The following ABCB4 variants were observed in gnomAD, a reference collection of about 807,000 sequenced individuals.
ABCB4 encodes the protein phosphatidylcholine translocator ABCB4.
ABCB4 carries 76 observed loss-of-function variants against 145.7 expected under a neutral mutation model. That is an observed-to-expected ratio of 0.52 (90% CI 0.43 to 0.63). The LOEUF is 0.63. Among genes scored for constraint, ABCB4 ranks in the 30% least tolerant of loss-of-function variants. The pLI, the probability that ABCB4 is intolerant of heterozygous loss-of-function variation, is 0.00. For synonymous variants in ABCB4, 517 were observed against 566.8 expected (o/e 0.91, Z 1.25); for missense variants, 1,234 against 1,553.1 (o/e 0.79, Z 3.45).
the ABCB4 span, among the ~76,000 whole-genome samples, chr7:87,372,016 A>C: frequency 2.0e-5 from 3 of 151,462 alleles, no homozygotes; most frequent in African/African-American, 7.3e-5. Context: ...ACAAAAAAAA[A>C]AAAACAAAAA....
chr7:87,436,947 C>T (rs774254696), intron 14 of ABCB4, among the ~76,000 whole-genome samples: 15 of 152,180 alleles, frequency 9.9e-5, no homozygotes, highest in Non-Finnish European at 1.6e-4. Context: ...CTGTATTAGA[C>T]CACATGCAGA....
intron 20 of ABCB4, among the ~76,000 whole-genome samples, chr7:87,418,158 ACCCAAATTAG>A (rs1809128260): frequency 6.6e-6 from 1 of 152,208 alleles, no homozygotes; most frequent in Non-Finnish European, 1.5e-5. Flanking sequence ...GGGGCATGTG[ACCCAAATTAG>A]CCCAAATTAG....
chr7:87,422,364 T>C, intron 17 of ABCB4, 139 bp from the exon 18 acceptor site: 4 of 724,518 alleles, frequency 5.5e-6, no homozygotes, highest in Non-Finnish European at 9.8e-6. Flanking sequence ...TGGTAAAATA[T>C]ACATAACACA....
At chr7:87,466,431 C>T (rs1430543676) in intron 3 of ABCB4, among the ~76,000 whole-genome samples, 3 of 152,174 alleles carry the variant, frequency 2.0e-5, no homozygotes, top group Non-Finnish European at 4.4e-5. Context: ...GATTGGTGTA[C>T]CTGAAAGTGA....
chr7:87,457,119 T>G (rs1428607579), intron 4 of ABCB4, among the ~76,000 whole-genome samples: 3 of 152,106 alleles, frequency 2.0e-5, no homozygotes, highest in Non-Finnish European at 4.4e-5. Flanking sequence ...GAGCATCACA[T>G]TTTTATAAAG....
intron 26 of ABCB4, 86 bp downstream of exon 26, chr7:87,406,202 G>T: frequency 7.3e-7 from 1 of 1,362,178 alleles, no homozygotes; most frequent in Non-Finnish European, 1.0e-6. Flanking sequence ...AACATATTTT[G>T]TTACAAGATT....
Position 87,452,963 on chromosome 7 carries a change from G to A in ABCB4, c.517C>T (p.Leu173Phe). 4 of 1,614,004 alleles carry A rather than the reference G, an allele frequency of 2.5e-6. No individual in the cohort carries two copies. Among genetic ancestry groups the A allele is most frequent in the Non-Finnish European group, 3.4e-6 (4 of 1,179,952 alleles). ...GWFDINDTTELNTRLTDDISK... is the reference protein window; with the variant it reads ...GWFDINDTTEFNTRLTDDISK... The stretch of plus-strand genomic sequence containing the variant: ...ACCTACTCTGTTAGCCGCGTATTGA[G>A]TTCAGTGGTGTCGTTGATGTCAAAC... Residue 173 changes from leucine to phenylalanine, a missense_variant, in exon 6 of 28, where the codon CTC becomes TTC. By Grantham distance (22) the Leu-to-Phe change is conservative. This residue lies in a region of ABCB4 where 467 missense variants were observed against 632.8 expected (regional missense o/e 0.74). Transcript: ENST00000649586.
intron 3 of ABCB4, among the ~76,000 whole-genome samples, chr7:87,468,101 C>G (rs998707636): frequency 2.6e-5 from 4 of 152,110 alleles, no homozygotes; most frequent in African/African-American, 9.7e-5. Context: ...GTCAATGAAT[C>G]CAGGAGCTGG....
In ABCB4 at chr7:87,462,919, G is replaced by A. The variant is rs1366775086; in HGVS notation, c.136-11C>T. ...ATCGGAGTATCGAAACTAAAAAAAG[G>A]AAATAAAATAATACTTAGCTGTGGA... is the stretch of plus-strand genomic sequence containing the variant. On this transcript the variant is annotated splice_polypyrimidine_tract_variant and intron_variant, in intron 3 of 27. Transcript: ENST00000649586. 1 of 1,611,442 alleles carries A rather than the reference G, an allele frequency of 6.2e-7. No homozygotes were observed. The highest frequency in any genetic ancestry group is 8.5e-7 in the Non-Finnish European group (1 of 1,177,870).
chr7:87,449,060 T>C, intron 8 of ABCB4, among the ~76,000 whole-genome samples: 1 of 152,228 alleles, frequency 6.6e-6, no homozygotes, highest in East Asian at 1.9e-4. Context: ...CATTGAGATA[T>C]ACACACTAAA....
At chr7:87,398,760 T>C, downstream of ABCB4, 1 of 956,536 alleles carries the variant, frequency 1.0e-6, no homozygotes, top group Non-Finnish European at 1.5e-6. Flanking sequence ...TTTAACAAGT[T>C]AAGAAAACTT....
downstream of ABCB4, chr7:87,398,674 A>G: frequency 6.2e-7 from 1 of 1,604,344 alleles, no homozygotes; most frequent in Non-Finnish European, 8.5e-7. Flanking sequence ...CACTTACCAA[A>G]ACATATCATT....
At chr7:87,421,196 G>A (rs754565249) in intron 18 of ABCB4, among the ~76,000 whole-genome samples, 4 of 152,166 alleles carry the variant, frequency 2.6e-5, no homozygotes, top group African/African-American at 4.8e-5. Context: ...TGTGAGTGTT[G>A]GGGTAGCCGT....
chr7:87,439,285 A>G (rs1810813911), intron 14 of ABCB4, among the ~76,000 whole-genome samples: 1 of 152,214 alleles, frequency 6.6e-6, no homozygotes, highest in African/African-American at 2.4e-5. Flanking sequence ...GTCACTGCCT[A>G]CAAAATAGGG....
intron 23 of ABCB4, 34 bp downstream of exon 23, chr7:87,411,859 A>T: frequency 6.2e-7 from 1 of 1,600,754 alleles, no homozygotes; most frequent in Non-Finnish European, 8.5e-7. Flanking sequence ...AAACCTTATT[A>T]TAGAATAATC....
the ABCB4 span, among the ~76,000 whole-genome samples, chr7:87,379,317 A>G: frequency 6.6e-6 from 1 of 152,188 alleles, no homozygotes; most frequent in Non-Finnish European, 1.5e-5. Flanking sequence ...ATTGTTATAT[A>G]TGTAACTTGC....
intron 15 of ABCB4, among the ~76,000 whole-genome samples, chr7:87,428,850 T>C (rs1255487470): frequency 6.6e-6 from 1 of 152,222 alleles, no homozygotes; most frequent in Non-Finnish European, 1.5e-5. Flanking sequence ...TAGCTATCAG[T>C]GGCTGTTTGT....
chr7:87,467,893 G>A (rs922762947), intron 3 of ABCB4, among the ~76,000 whole-genome samples: 2 of 152,196 alleles, frequency 1.3e-5, no homozygotes, highest in Admixed American at 1.3e-4. Context: ...CACATTTAAA[G>A]CAGTGGGTAG....
Position 87,412,027 on chromosome 7 carries a change from A to G in ABCB4, c.2790T>C (p.Ser930=), listed in dbSNP as rs1407646195. 1.2e-6 allele frequency: 2 copies of G among 1,613,630 alleles called. No homozygotes were observed. Among genetic ancestry groups the G allele is most frequent in the Non-Finnish European group, 1.7e-6 (2 of 1,179,676 alleles). ...TTCCATAGATGTGTGCCTTCTGCAC[A>G]GAATTCCTGAAAAGCAAATCAGTAT... The part of the protein sequence containing the change: ...VEKLYGPYRN[S]VQKAHIYGIT... Residue 930 remains serine (S), a synonymous_variant, in exon 23 of 28, where the codon TCT becomes TCC. Transcript: ENST00000649586.
Sources: gnomAD v4.1 joint callset for allele counts (sites outside exome capture counted in the v4.1 genomes callset) on GRCh38, gnomAD v4.1.1 for gene constraint, gnomAD v4.1.1 regional missense constraint, MANE v1.5 for transcripts, NCBI Gene and HGNC (gene_info 2026-07-23, HGNC 2026-07-21) for gene names.